Variants in EXOC2 observed in about 807,000 individuals in gnomAD.
EXOC2 encodes the protein SEC5-like 1.
A neutral mutation model predicts 131.8 loss-of-function variants in EXOC2; 70 were observed. The ratio of observed to expected loss-of-function variants is 0.53; its 90% CI spans 0.44 to 0.65. The LOEUF is 0.65. EXOC2 is among the 30% of genes least tolerant of loss of function. EXOC2 has a pLI of 0.00. For synonymous variants in EXOC2, 411 were observed against 398.4 expected, an observed-to-expected ratio of 1.03 and a Z score of -0.38; for missense variants, 923 against 1,108.6, an observed-to-expected ratio of 0.83 and a Z score of 2.38.
In EXOC2 at chr6:564,661, G is replaced by C. The variant is rs1757874861; in HGVS notation, c.1551C>G (p.Thr517=). The C allele has an allele frequency of 6.2e-7, 1 of 1,609,258 alleles. No homozygotes were observed. The highest frequency in any genetic ancestry group is 8.5e-7 in the Non-Finnish European group (1 of 1,177,770). ...QEVMHSLVKL[T]RGALLPLSIR... is the part of the protein sequence containing the mutation. ...TGCTGAGGGGAAGCAGGGCTCCGCG[G>C]GTAAGCTTCACCAGGGAGTGCATTA... Residue 517 remains threonine (T), a synonymous_variant, in exon 15 of 28, where the codon ACC becomes ACG. Coordinates refer to ENST00000230449, the MANE Select transcript of EXOC2 (RefSeq NM_018303.6).
At chr6:513,680 G>C (rs1050886333) in intron 23 of EXOC2, among the ~76,000 whole-genome samples, 1 of 152,082 alleles carries the variant, frequency 6.6e-6, no homozygotes, top group Admixed American at 6.5e-5. Flanking sequence ...TTTCAAAAAA[G>C]AAAAATGGGT....
chr6:562,700 G>C, intron 17 of EXOC2, 84 bp downstream of exon 17: 4 of 881,300 alleles, frequency 4.5e-6, no homozygotes, highest in Non-Finnish European at 6.6e-6. Context: ...GCAACACATG[G>C]AGCACATGCT....
intron 13 of EXOC2, among the ~76,000 whole-genome samples, chr6:565,149 T>A: frequency 6.6e-6 from 1 of 152,228 alleles, no homozygotes; most frequent in Non-Finnish European, 1.5e-5. Context: ...TTACGTACAA[T>A]TCCCATGAAT....
intron 27 of EXOC2, among the ~76,000 whole-genome samples, chr6:487,448 C>A (rs1763139830): frequency 6.6e-6 from 1 of 152,054 alleles, no homozygotes; most frequent in Non-Finnish European, 1.5e-5. Flanking sequence ...GCTCTGTCGC[C>A]CAGGCTGGAG....
At chr6:495,462 T>C (rs1222455048) in intron 25 of EXOC2, among the ~76,000 whole-genome samples, 2 of 152,216 alleles carry the variant, frequency 1.3e-5, no homozygotes, top group South Asian at 2.1e-4. Flanking sequence ...CTCGAACCCA[T>C]GGTGAACATT....
chr6:532,426 A>C, intron 23 of EXOC2, 43 bp downstream of exon 23: 5 of 1,433,864 alleles, frequency 3.5e-6, no homozygotes, highest in Non-Finnish European at 3.7e-6. Context: ...TCAATTGATA[A>C]AAGTATATCC....
chr6:688,447 T>C (rs952461080), intron 1 of EXOC2, among the ~76,000 whole-genome samples: 1 of 152,138 alleles, frequency 6.6e-6, no homozygotes, highest in Non-Finnish European at 1.5e-5. Flanking sequence ...ACAACAACGA[T>C]ACAACTGAGC....
intron 20 of EXOC2, among the ~76,000 whole-genome samples, chr6:554,186 C>T (rs932064485): frequency 5.3e-5 from 8 of 152,000 alleles, no homozygotes; most frequent in African/African-American, 9.7e-5. Flanking sequence ...GGATTACAGG[C>T]GCCCGCCACC....
chr6:501,810 C>A (rs1369576290), intron 23 of EXOC2, among the ~76,000 whole-genome samples: 1 of 149,146 alleles, frequency 6.7e-6, no homozygotes, highest in East Asian at 2.0e-4. Context: ...AAGAGTAATT[C>A]AATATAATCC....
At chr6:564,300 G>A (rs1757852525) in intron 15 of EXOC2, 146 bp from the exon 16 acceptor site, 2 of 1,304,194 alleles carry the variant, frequency 1.5e-6, no homozygotes, top group African/African-American at 1.5e-5. Flanking sequence ...AACTGGGACT[G>A]TACTGTCAGA....
intron 26 of EXOC2, among the ~76,000 whole-genome samples, chr6:489,755 A>G (rs533456248): frequency 1.6e-4 from 25 of 152,348 alleles, no homozygotes; most frequent in African/African-American, 5.5e-4. Flanking sequence ...AAGGTGAAGA[A>G]ATACTGCAAT....
At chr6:674,795 G>A (rs1166569966) in intron 1 of EXOC2, among the ~76,000 whole-genome samples, 4 of 151,888 alleles carry the variant, frequency 2.6e-5, no homozygotes, top group African/African-American at 9.7e-5. Context: ...ACCAGGGAAG[G>A]GACTGCCCCT....
chr6:658,353 A>C (rs555317890), intron 1 of EXOC2, among the ~76,000 whole-genome samples: 3 of 152,148 alleles, frequency 2.0e-5, no homozygotes, highest in Non-Finnish European at 2.9e-5. Flanking sequence ...ATACTGCTCC[A>C]GATGAATTCT....
At chr6:523,340 C>T (rs893333293) in intron 23 of EXOC2, among the ~76,000 whole-genome samples, 3 of 152,208 alleles carry the variant, frequency 2.0e-5, no homozygotes, top group African/African-American at 7.2e-5. Context: ...GCAGTGCGTC[C>T]ACCTCCTACG....
intron 11 of EXOC2, among the ~76,000 whole-genome samples, chr6:579,875 T>C (rs1044877231): frequency 6.6e-6 from 1 of 152,128 alleles, no homozygotes; most frequent in African/African-American, 2.4e-5. Context: ...TGAGTAAGCA[T>C]TTCTATAAAA....
chr6:488,895 T>C, intron 27 of EXOC2, 84 bp downstream of exon 27: 1 of 1,390,614 alleles, frequency 7.2e-7, no homozygotes, highest in East Asian at 2.3e-5. Context: ...AGAATCCAAA[T>C]CATTATTTTT....
chr6:583,805 C>A (rs1002327511), intron 11 of EXOC2, among the ~76,000 whole-genome samples: 28 of 152,226 alleles, frequency 1.8e-4, no homozygotes, highest in African/African-American at 6.3e-4. Context: ...CAGCAGAAGC[C>A]TTCCCTGGAG....
chr6:529,877 G>A (rs946484194), intron 23 of EXOC2, among the ~76,000 whole-genome samples: 2 of 152,162 alleles, frequency 1.3e-5, no homozygotes, highest in African/African-American at 4.8e-5. Context: ...GGGAAGATAC[G>A]AACTTTAACA....
chr6:514,699 T>G (rs1765043355), intron 23 of EXOC2, among the ~76,000 whole-genome samples: 1 of 152,108 alleles, frequency 6.6e-6, no homozygotes, highest in African/African-American at 2.4e-5. Context: ...GGGGCAGATG[T>G]CTATGGGAGA....
Sources: gnomAD v4.1 joint callset for allele counts (sites outside exome capture counted in the v4.1 genomes callset) on GRCh38, gnomAD v4.1.1 for gene constraint, MANE v1.5 for transcripts, NCBI Gene and HGNC (gene_info 2026-07-23, HGNC 2026-07-21) for gene names.